Variants in MYH3 observed in about 807,000 individuals in gnomAD.
The protein encoded by MYH3 is myosin-3.
Under a neutral mutation model 238.0 loss-of-function variants are expected in MYH3, and 130 were observed. That is an observed-to-expected ratio of 0.55 (90% confidence interval 0.47 to 0.63). The LOEUF (loss-of-function observed/expected upper bound fraction) is 0.63, where lower values mean the gene tolerates loss of function less well. MYH3 is among the 30% of genes least tolerant of loss of function. The probability of loss-of-function intolerance (pLI) is 0.00; values close to 1 mark genes in which losing one functional copy is unlikely to be tolerated. For synonymous variants in MYH3, 880 were observed against 924.1 expected, an observed-to-expected ratio of 0.95 and a Z score of 0.86; for missense variants, 1,853 against 2,374.9, an observed-to-expected ratio of 0.78 and a Z score of 4.57.
At position 10,632,521 on chromosome 17, in the gene MYH3, C is replaced by T. The variant is rs761510494; in HGVS notation, c.4911G>A (p.Ala1637=). 18 of 1,613,994 alleles carry T rather than the reference C, an allele frequency of 1.1e-5. No individual in the cohort carries two copies. Among genetic ancestry groups the T allele is most frequent in the African/African-American group, 4.0e-5 (3 of 74,912 alleles). The change falls in exon 34 of 41, where the codon GCG becomes GCA. Residue 1637 remains alanine (A), a synonymous_variant. Transcript: ENST00000583535. Reference sequence around the variant, plus strand: ...TCCTGAGGTGTTTGAGGGTCTCCGCCGCCTGGCGGTTGGCGTGGCTCAGCT... The same window carrying T: ...TCCTGAGGTGTTTGAGGGTCTCCGCTGCCTGGCGGTTGGCGTGGCTCAGCT... The part of the protein sequence containing the change: ...EIQLSHANRQ[A]AETLKHLRSV...
rs1005769169 is a variant in MYH3 at position 10,645,960 on chromosome 17, A to G, written c.971T>C (p.Ile324Thr). ...AGCCAGCAGCTCCTCTGCATCATCT[A>G]TGCTGGCCACCAGGATCTCCCCCTG... is the stretch of plus-strand genomic sequence containing the variant. ...ISQGEILVAS[I>T]DDAEELLATD... is the part of the protein sequence containing the mutation. The change falls in exon 11 of 41, where the codon ATA becomes ACA. Residue 324 changes from isoleucine (I) to threonine (T), a missense_variant. Around this residue, in one of 3 missense-constraint regions of MYH3, gnomAD observed 678 missense variants for 1,058.9 expected, o/e 0.64. Transcript: ENST00000583535. 5 of 1,614,000 alleles carry G rather than the reference A, an allele frequency of 3.1e-6. No homozygotes were observed. The highest frequency in any genetic ancestry group is 4.2e-6 in the Non-Finnish European group (5 of 1,179,982).
rs1264133532 is a variant in MYH3 at position 10,637,939 on chromosome 17, A to G, written c.3730-4T>C. The G allele has an allele frequency of 6.2e-7, 1 of 1,614,138 alleles. No homozygotes were observed. The stretch of plus-strand genomic sequence containing the variant: ...GGCAGATTTTTTCCAGATTTGCCTG[A>G]AGGATTCAGAAAGGGGAGCAAAGTC... On this transcript the variant is annotated splice_region_variant and splice_polypyrimidine_tract_variant and intron_variant, in intron 27 of 40. Transcript: ENST00000583535.
chr17:10,640,464 G>A lies in MYH3; in HGVS notation c.2295C>T (p.Phe765=). ...GGGTTCCCAGCAAGCCAGCCTTGAA[G>A]AACACCTTATGGGGCAGAAGGGTGA... ...TQYKFGHTKV[F]FKAGLLGTLE... Residue 765 remains phenylalanine (F), a synonymous_variant, in exon 21 of 41, where the codon TTC becomes TTT. Coordinates refer to ENST00000583535, the MANE Select transcript of MYH3 (RefSeq NM_002470.4). The A allele has an allele frequency of 1.2e-6, 2 of 1,614,232 alleles. No individual in the cohort carries two copies. Among genetic ancestry groups the A allele is most frequent in the South Asian group, 2.2e-5 (2 of 91,082 alleles).
At position 10,647,345 on chromosome 17, in the gene MYH3, C is replaced by A; in HGVS notation, c.799+18G>T. 1 of 1,614,092 alleles carries A rather than the reference C, an allele frequency of 6.2e-7. No individual in the cohort carries two copies. The highest frequency in any genetic ancestry group is 1.1e-5 in the South Asian group (1 of 91,078). On this transcript the variant is annotated intron_variant, in intron 9 of 40. Transcript: ENST00000583535. Reference sequence around the variant, plus strand: ...AGTTAACTCTGAGACGCCATCGAATCCCCATGGATCTACTTACAAGTTTCA... The same window carrying A: ...AGTTAACTCTGAGACGCCATCGAATACCCATGGATCTACTTACAAGTTTCA...
chr17:10,631,474 G>T, intron 36 of MYH3, 137 bp downstream of exon 36: 1 of 1,261,226 alleles, frequency 7.9e-7, no homozygotes, highest in Non-Finnish European at 1.1e-6. Flanking sequence ...AGGGGAGTTT[G>T]AGCGGAGATG....
the MYH3 span, among the ~76,000 whole-genome samples, chr17:10,670,254 C>G: frequency 6.6e-6 from 1 of 152,194 alleles, no homozygotes; most frequent in Non-Finnish European, 1.5e-5. This position sits in a 1 kb window ranked among gnomAD's most constrained non-coding sequence, Gnocchi z 7.0. Flanking sequence ...AAGGGAGATA[C>G]TACTTTTACC....
intron 36 of MYH3, among the ~76,000 whole-genome samples, 162 bp from the exon 37 acceptor site, chr17:10,630,620 C>T (rs2074146624): frequency 6.6e-6 from 1 of 152,112 alleles, no homozygotes. Flanking sequence ...GAGGCCAAGG[C>T]GGGTGGATCA....
intron 1 of MYH3, among the ~76,000 whole-genome samples, chr17:10,656,952 G>A (rs1274388090): frequency 6.6e-6 from 1 of 152,188 alleles, no homozygotes; most frequent in Non-Finnish European, 1.5e-5. Flanking sequence ...GAGGCAATGG[G>A]AGAAGGTCAA....
Position 10,631,596 on chromosome 17 carries a change from A to T in MYH3, c.5286+15T>A. ...ATCCCGGCAGCCCGAGGGCAGCAGG[A>T]AGGAGACGCCTTACGTCCGTGATGG... On this transcript the variant is annotated intron_variant, in intron 36 of 40. Transcript: ENST00000583535. 6.2e-7 allele frequency: 1 copy of T among 1,614,116 alleles called. No individual in the cohort carries two copies. Among genetic ancestry groups the T allele is most frequent in the Non-Finnish European group, 8.5e-7 (1 of 1,180,012 alleles).
At chr17:10,639,008 A>G (rs771941229) in intron 25 of MYH3, 36 bp downstream of exon 25, 1 of 1,614,216 alleles carries the variant, frequency 6.2e-7, no homozygotes, top group South Asian at 1.1e-5. Flanking sequence ...ATACACAGTA[A>G]CTTGCAAAAT....
At chr17:10,661,346 AAG>A (rs530264085), upstream of MYH3, among the ~76,000 whole-genome samples, 203 of 151,768 alleles carry the variant, frequency 1.3e-3, no homozygotes, top group African/African-American at 4.6e-3. Flanking sequence ...AATCTTAAAG[AAG>A]AGAGTCTCTT....
At chr17:10,662,487 T>C in the MYH3 span, among the ~76,000 whole-genome samples, 1 of 152,246 alleles carries the variant, frequency 6.6e-6, no homozygotes, top group Non-Finnish European at 1.5e-5. Flanking sequence ...TGCTATGCCA[T>C]TTGAAAGTAG....
intron 29 of MYH3, 71 bp from the exon 30 acceptor site, chr17:10,635,634 C>G: frequency 6.2e-7 from 1 of 1,613,940 alleles, no homozygotes; most frequent in South Asian, 1.1e-5. Flanking sequence ...CCAAGTGTGT[C>G]CCTTCTATCA....
At chr17:10,672,169 G>A in the MYH3 span, among the ~76,000 whole-genome samples, 2 of 152,294 alleles carry the variant, frequency 1.3e-5, no homozygotes, top group East Asian at 1.9e-4. Context: ...GGAGGACACA[G>A]ACTAAGAACC....
At chr17:10,635,654 G>A in intron 29 of MYH3, 81 bp downstream of exon 29, 2 of 1,613,224 alleles carry the variant, frequency 1.2e-6, no homozygotes, top group Middle Eastern at 1.7e-4. Context: ...ACCACCTTCT[G>A]AATGAAGTTG....
In MYH3 at chr17:10,631,746, G is replaced by A. The variant is rs373467549; in HGVS notation, c.5161-10C>T. ...GGATGAGGCTGGTGTTCTAGGGCAAGAGGAGGGCTGTTAACCAGGTGCGTA... is the reference window on the plus strand; with the variant it reads ...GGATGAGGCTGGTGTTCTAGGGCAAAAGGAGGGCTGTTAACCAGGTGCGTA... On this transcript the variant is annotated splice_polypyrimidine_tract_variant and intron_variant, in intron 35 of 40. Coordinates refer to ENST00000583535, the MANE Select transcript of MYH3 (RefSeq NM_002470.4). The A allele has an allele frequency of 6.2e-7, 1 of 1,614,050 alleles. No individual in the cohort carries two copies. Among genetic ancestry groups the A allele is most frequent in the Non-Finnish European group, 8.5e-7 (1 of 1,180,040 alleles).
Position 10,638,062 on chromosome 17 carries a change from T to C in MYH3, c.3710A>G (p.Glu1237Gly). 3 of 1,613,650 alleles carry C rather than the reference T, an allele frequency of 1.9e-6. No homozygotes were observed. Among genetic ancestry groups the C allele is most frequent in the Non-Finnish European group, 2.5e-6 (3 of 1,179,896 alleles). Residue 1237 changes from glutamate to glycine, a missense_variant, in exon 27 of 41, where the codon GAG (glutamate) becomes GGG (glycine). By Grantham distance (98) the Glu-to-Gly change is moderately conservative. This residue lies in a region of MYH3 where 1,044 missense variants were observed against 1,192.6 expected (regional missense o/e 0.88). Coordinates refer to ENST00000583535, the MANE Select transcript of MYH3 (RefSeq NM_002470.4). ...CAGCACCTTAGATTTCGACACACTCTCCATGCTGCTGGAGAGGTCATCGAT... is the reference window on the plus strand; with the variant it reads ...CAGCACCTTAGATTTCGACACACTCCCCATGCTGCTGGAGAGGTCATCGAT... ...LEIDDLSSSM[E>G]SVSKSKANLE... is the part of the protein sequence containing the mutation.
chr17:10,645,312 A>G (rs2074309808), intron 12 of MYH3, among the ~76,000 whole-genome samples: 1 of 151,944 alleles, frequency 6.6e-6, no homozygotes, highest in African/African-American at 2.4e-5. Flanking sequence ...TGTGCCTGTA[A>G]TCCCAGCTAC....
chr17:10,629,193 G>A (rs2074125392), intron 40 of MYH3, among the ~76,000 whole-genome samples: 2 of 147,550 alleles, frequency 1.4e-5, no homozygotes, highest in South Asian at 4.7e-4. Flanking sequence ...CCCCACCCCC[G>A]GAAAGGCCCC....
Sources: allele counts gnomAD v4.1 joint callset (sites outside exome capture counted in the v4.1 genomes callset), GRCh38; gene constraint gnomAD v4.1.1; regional missense constraint gnomAD v4.1.1; non-coding constraint Gnocchi (gnomAD v3.1); transcripts MANE v1.5; gene names NCBI Gene and HGNC (gene_info 2026-07-23, HGNC 2026-07-21).